The following DPP10 variants were observed in gnomAD, a reference collection of about 807,000 sequenced individuals.
The protein encoded by DPP10 is inactive dipeptidyl peptidase 10.
Under a neutral mutation model 120.9 loss-of-function variants are expected in DPP10, and 33 were observed. That is an observed-to-expected ratio of 0.27 (90% CI 0.21 to 0.37). The LOEUF is 0.37. Ranked by LOEUF, DPP10 falls within the 10% of genes least tolerant of loss-of-function variation. DPP10 has a pLI of 1.00. For synonymous variants in DPP10, 337 were observed against 326.1 expected (o/e 1.03, Z -0.36); for missense variants, 816 against 942.8 (o/e 0.87, Z 1.76).
chr2:114,449,905 C>T (rs989132085), intron 1 of DPP10, among the ~76,000 whole-genome samples: 1 of 152,054 alleles, frequency 6.6e-6, no homozygotes, highest in Admixed American at 6.6e-5. Flanking sequence ...TGAAAATTAT[C>T]TTCTAATATT....
chr2:115,534,761 C>G (rs2148933987), intron 5 of DPP10, among the ~76,000 whole-genome samples: 1 of 150,672 alleles, frequency 6.6e-6, no homozygotes, highest in Admixed American at 6.6e-5. Context: ...TCCACATCCT[C>G]TCCAGCACCT....
intron 5 of DPP10, among the ~76,000 whole-genome samples, chr2:115,620,134 T>C (rs2084835821): frequency 6.6e-6 from 1 of 152,194 alleles, no homozygotes; most frequent in Admixed American, 6.5e-5. Flanking sequence ...AAAAGCCAAG[T>C]CTTTCTCCCC....
At chr2:115,340,283 TAGAATG>T (rs1356439099) in intron 2 of DPP10, among the ~76,000 whole-genome samples, 1 of 152,098 alleles carries the variant, frequency 6.6e-6, no homozygotes, top group Non-Finnish European at 1.5e-5. Context: ...AAAAATAATT[TAGAATG>T]GGAATGGGAA....
At chr2:115,161,682 C>T (rs879357067) in intron 1 of DPP10, 28 of 348,978 alleles carry the variant, frequency 8.0e-5, no homozygotes, top group African/African-American at 5.8e-4. Context: ...GCCGCTTGGT[C>T]TCGCCTCGCC....
At chr2:115,536,061 G>T (rs1012014152) in intron 5 of DPP10, among the ~76,000 whole-genome samples, 5 of 151,938 alleles carry the variant, frequency 3.3e-5, no homozygotes, top group African/African-American at 4.8e-5. Flanking sequence ...CTTTTAAATA[G>T]CATCTTTTTA....
At chr2:115,286,503 T>TATATAATATATATATAA (rs1491303092) in intron 1 of DPP10, among the ~76,000 whole-genome samples, 2 of 33,452 alleles carry the variant, frequency 6.0e-5, no homozygotes, top group Admixed American at 3.9e-4. Flanking sequence ...TATATATATA[T>TATATAATATATATATAA]TACATATATA....
intron 1 of DPP10, among the ~76,000 whole-genome samples, chr2:114,909,231 T>A (rs1213849624): frequency 6.6e-6 from 1 of 152,026 alleles, no homozygotes; most frequent in East Asian, 1.9e-4. Flanking sequence ...AGTTTTCTAA[T>A]GATTAACACA....
At chr2:114,570,757 C>T (rs551764437) in intron 1 of DPP10, among the ~76,000 whole-genome samples, 19 of 149,216 alleles carry the variant, frequency 1.3e-4, no homozygotes, top group Non-Finnish European at 2.4e-4. Context: ...GACATGAACC[C>T]GGGAGGCGGA....
chr2:115,229,483 T>A (rs538017394), intron 1 of DPP10, among the ~76,000 whole-genome samples: 1 of 152,220 alleles, frequency 6.6e-6, no homozygotes, highest in East Asian at 1.9e-4. Context: ...GTGGTTTTTG[T>A]TTCTTGTTTT....
chr2:115,243,913 C>G (rs1401998740), intron 1 of DPP10, among the ~76,000 whole-genome samples: 1 of 151,490 alleles, frequency 6.6e-6, no homozygotes, highest in Non-Finnish European at 1.5e-5. Context: ...AAAATAGATG[C>G]TCCCCATTAT....
chr2:115,118,776 TG>T (rs1171318582), intron 1 of DPP10, among the ~76,000 whole-genome samples: 2 of 151,244 alleles, frequency 1.3e-5, no homozygotes, highest in African/African-American at 4.9e-5. Flanking sequence ...TGTGTGTGTG[TG>T]TGTGTGTGTG....
chr2:115,327,405 T>C (rs971454804), intron 2 of DPP10, among the ~76,000 whole-genome samples: 4 of 152,044 alleles, frequency 2.6e-5, no homozygotes, highest in Admixed American at 6.6e-5. Flanking sequence ...AAAAGCTCAC[T>C]AGAGAATTAT....
intron 7 of DPP10, among the ~76,000 whole-genome samples, chr2:115,726,836 C>G (rs939643751): frequency 6.6e-6 from 1 of 152,110 alleles, no homozygotes; most frequent in African/African-American, 2.4e-5. Context: ...TGTGTTTTCT[C>G]TATTTGCTAC....
At chr2:115,238,834 T>C (rs1297297276) in intron 1 of DPP10, among the ~76,000 whole-genome samples, 3 of 152,136 alleles carry the variant, frequency 2.0e-5, no homozygotes, top group South Asian at 4.1e-4. Flanking sequence ...AGGAGATATA[T>C]ATGTATATAT....
chr2:115,203,516 C>G (rs2055891733), intron 1 of DPP10, among the ~76,000 whole-genome samples: 1 of 152,070 alleles, frequency 6.6e-6, no homozygotes, highest in Non-Finnish European at 1.5e-5. Context: ...CTGAACTGAG[C>G]TAAATTGATC....
At chr2:114,491,581 A>G (rs1301893642) in intron 1 of DPP10, among the ~76,000 whole-genome samples, 2 of 152,182 alleles carry the variant, frequency 1.3e-5, no homozygotes, top group African/African-American at 4.8e-5. Flanking sequence ...GTTTCCTTGC[A>G]CACTAGCAGA....
At chr2:114,963,484 T>C (rs1698795440) in intron 1 of DPP10, among the ~76,000 whole-genome samples, 2 of 152,068 alleles carry the variant, frequency 1.3e-5, no homozygotes, top group Admixed American at 1.3e-4. Flanking sequence ...TAAGGAAAAA[T>C]GTGTATTAAC....
intron 1 of DPP10, among the ~76,000 whole-genome samples, chr2:115,296,449 A>G (rs1031013354): frequency 6.6e-6 from 1 of 152,070 alleles, no homozygotes; most frequent in Non-Finnish European, 1.5e-5. Context: ...TTTAACCACT[A>G]GAAAAGGAAG....
At chr2:114,521,839 G>A (rs1450039582) in intron 1 of DPP10, among the ~76,000 whole-genome samples, 3 of 127,598 alleles carry the variant, frequency 2.4e-5, no homozygotes, top group Admixed American at 9.4e-5. Context: ...ATGGAGTCTC[G>A]CTCTGTCGCC....
Sources: gnomAD v4.1 joint callset for allele counts (sites outside exome capture counted in the v4.1 genomes callset) on GRCh38, gnomAD v4.1.1 for gene constraint, MANE v1.5 for transcripts, NCBI Gene and HGNC (gene_info 2026-07-23, HGNC 2026-07-21) for gene names.